The following ANXA4 variants were observed in gnomAD, a reference collection of about 807,000 sequenced individuals.
The protein encoded by ANXA4 is 35-beta calcimedin.
A neutral mutation model predicts 49.8 loss-of-function variants in ANXA4; 39 were observed. That is an observed-to-expected ratio of 0.78 (90% confidence interval 0.61 to 1.02). The LOEUF (loss-of-function observed/expected upper bound fraction) is 1.02, where lower values mean the gene tolerates loss of function less well. Ranked by LOEUF, ANXA4 falls within the 50% of genes least tolerant of loss-of-function variation. The pLI is 0.00. For synonymous variants in ANXA4, 134 were observed against 152.5 expected, an observed-to-expected ratio of 0.88 and a Z score of 0.89; for missense variants, 360 against 410.1, an observed-to-expected ratio of 0.88 and a Z score of 1.05.
intron 2 of ANXA4, among the ~76,000 whole-genome samples, chr2:69,704,748 G>C (rs1014580792): frequency 2.6e-5 from 4 of 152,142 alleles, no homozygotes; most frequent in African/African-American, 9.7e-5. Flanking sequence ...AAAGTCACAT[G>C]GTTGAGCTCA....
At chr2:69,746,526 A>G (rs1670619855) in intron 1 of ANXA4, among the ~76,000 whole-genome samples, 1 of 152,180 alleles carries the variant, frequency 6.6e-6, no homozygotes, top group South Asian at 2.1e-4. Flanking sequence ...ATTTCTATCT[A>G]AGGCTTGTTG....
intron 2 of ANXA4, among the ~76,000 whole-genome samples, chr2:69,653,828 A>G (rs906458149): frequency 4.1e-4 from 63 of 152,216 alleles, no homozygotes; most frequent in African/African-American, 1.4e-3. Context: ...AAGAAAGCCA[A>G]TGGAAGCTTG....
At chr2:69,644,163 G>GT (rs1553424954), upstream of ANXA4, among the ~76,000 whole-genome samples, 3,450 of 33,104 alleles carry the variant, frequency 0.1, 836 homozygotes, top group Admixed American at 0.33. Flanking sequence ...CAACAACTAA[G>GT]TTCCCCCCCC....
intron 1 of ANXA4, among the ~76,000 whole-genome samples, chr2:69,778,010 G>T (rs1325723581): frequency 6.6e-6 from 1 of 152,156 alleles, no homozygotes; most frequent in Non-Finnish European, 1.5e-5. Context: ...AAACACGTGT[G>T]ACTGTTCCAA....
At chr2:69,776,446 A>G (rs1397308382) in intron 1 of ANXA4, among the ~76,000 whole-genome samples, 1 of 152,220 alleles carries the variant, frequency 6.6e-6, no homozygotes, top group Non-Finnish European at 1.5e-5. Flanking sequence ...CCAATTGTAT[A>G]GGAAAACAAA....
intron 2 of ANXA4, among the ~76,000 whole-genome samples, chr2:69,672,028 A>G (rs1018628628): frequency 6.6e-6 from 1 of 152,184 alleles, no homozygotes; most frequent in East Asian, 1.9e-4. Context: ...ACTCTTGAGG[A>G]TGGGTAGCAG....
intron 2 of ANXA4, among the ~76,000 whole-genome samples, chr2:69,782,348 A>G (rs1672232760): frequency 1.3e-5 from 2 of 152,296 alleles, no homozygotes; most frequent in Middle Eastern, 3.4e-3. Context: ...CTGAACAAAG[A>G]GTAATATACT....
chr2:69,826,411 A>G lies in ANXA4; in HGVS notation c.*896A>G, dbSNP rs1020771369. ...TATTTGCACTGTGCCTTTCAACTCCAGAAACATTCTGAAGATGTACTTGGA... is the reference window on the plus strand; with the variant it reads ...TATTTGCACTGTGCCTTTCAACTCCGGAAACATTCTGAAGATGTACTTGGA... On this transcript the variant is annotated 3_prime_UTR_variant, in exon 13 of 13. Transcript: ENST00000394295. 7.2e-5 allele frequency: 11 copies of G among 152,668 alleles called. No individual in the cohort carries two copies. The highest frequency in any genetic ancestry group is 5.2e-4 in the Admixed American group (8 of 15,282). 9.5% of individuals were successfully genotyped at this position (152,668 alleles called of 1,614,324 possible). A position where few individuals can be genotyped will look rare whatever the true frequency, so the allele number is the denominator to read the frequency against.
chr2:69,758,303 G>A (rs7597155), intron 1 of ANXA4, among the ~76,000 whole-genome samples: 75,809 of 152,086 alleles, frequency 0.5, 19,447 homozygotes, highest in East Asian at 0.79. Context: ...GTGAGCTACC[G>A]TACCTGACCC....
At chr2:69,651,830 C>T (rs7557931) in intron 1 of ANXA4, among the ~76,000 whole-genome samples, 156 of 9,668 alleles carry the variant, frequency 0.016, 6 homozygotes, top group African/African-American at 0.045. Context: ...GGGGGGGGGG[C>T]GGGGAGACAG....
intron 2 of ANXA4, among the ~76,000 whole-genome samples, chr2:69,657,595 T>C (rs1238858983): frequency 6.6e-6 from 1 of 152,222 alleles, no homozygotes; most frequent in African/African-American, 2.4e-5. Context: ...TCTAAAGTAA[T>C]AATTTTATGC....
At chr2:69,684,525 A>G (rs1677712113) in intron 2 of ANXA4, among the ~76,000 whole-genome samples, 1 of 151,980 alleles carries the variant, frequency 6.6e-6, no homozygotes, top group Non-Finnish European at 1.5e-5. Context: ...TCTACAAAAA[A>G]TACAAAAATT....
intron 9 of ANXA4, chr2:69,817,180 C>T (rs1674032864): frequency 6.6e-6 from 1 of 152,156 alleles, no homozygotes; most frequent in African/African-American, 2.4e-5. Flanking sequence ...CGATTTAGTG[C>T]ATAAATGCAT....
chr2:69,751,079 A>G (rs375984015), intron 1 of ANXA4, among the ~76,000 whole-genome samples: 1 of 152,172 alleles, frequency 6.6e-6, no homozygotes, highest in African/African-American at 2.4e-5. Flanking sequence ...GGGTACTAGT[A>G]TTATCATTGC....
rs532910762 is a variant in ANXA4, at chr2:69,745,684, C to A, written c.-47+3509C>A. Among the ~76,000 whole-genome samples the A allele has an allele frequency of 7.6e-4, 115 of 151,942 alleles. 2 individuals carry two copies. The South Asian group carries it at 0.013, about 18-fold the overall frequency. On this transcript the variant is annotated intron_variant, in intron 1 of 12. Coordinates refer to ENST00000394295, the MANE Select transcript of ANXA4 (RefSeq NM_001153.5). ...TAGCTGGGTCTACAGGTGCATGCTA[C>A]CACACCCAGCTAATTTTTGTATTTT... is the stretch of plus-strand genomic sequence containing the variant.
chr2:69,675,794 C>T (rs772853546), intron 2 of ANXA4, among the ~76,000 whole-genome samples: 19 of 151,934 alleles, frequency 1.3e-4, no homozygotes, highest in East Asian at 3.9e-4. Flanking sequence ...GAGGCCAAGG[C>T]GGGCAGATCA....
chr2:69,789,511 A>G (rs1247486460), intron 3 of ANXA4, among the ~76,000 whole-genome samples: 1 of 152,142 alleles, frequency 6.6e-6, no homozygotes, highest in East Asian at 1.9e-4. Flanking sequence ...GTCATGGCCA[A>G]GGAGATTGAG....
intron 10 of ANXA4, 70 bp downstream of exon 10, chr2:69,818,764 G>T: frequency 1.1e-6 from 1 of 939,336 alleles, no homozygotes. Flanking sequence ...TTTGCAATAT[G>T]GGGATATAGA....
At chr2:69,683,745 G>A (rs1431153774) in intron 2 of ANXA4, among the ~76,000 whole-genome samples, 1 of 152,166 alleles carries the variant, frequency 6.6e-6, no homozygotes, top group Non-Finnish European at 1.5e-5. Context: ...GTACTACTCT[G>A]TTCTCTTGAA....
Sources: allele counts gnomAD v4.1 joint callset (sites outside exome capture counted in the v4.1 genomes callset), GRCh38; gene constraint gnomAD v4.1.1; transcripts MANE v1.5; gene names NCBI Gene and HGNC (gene_info 2026-07-23, HGNC 2026-07-21).